Variants in KLF12 observed in about 807,000 individuals in gnomAD.
The protein encoded by KLF12 is KLF transcription factor 12.
KLF12 carries 9 observed loss-of-function variants against 37.8 expected under a neutral mutation model. The ratio of observed to expected loss-of-function variants is 0.24; its 90% confidence interval spans 0.14 to 0.42. The LOEUF (loss-of-function observed/expected upper bound fraction) is 0.42. KLF12 is among the 10% of genes least tolerant of loss of function. The pLI is 1.00. For missense variants in KLF12, 411 were observed against 516.0 expected (o/e 0.80, Z 1.97); for synonymous variants, 208 against 202.1 (o/e 1.03, Z -0.25).
chr13:73,842,519 C>T (rs142501458), intron 4 of KLF12, among the ~76,000 whole-genome samples: 93 of 152,298 alleles, frequency 6.1e-4, no homozygotes, highest in Admixed American at 1.2e-3. Context: ...GCTGAAAGGA[C>T]AAATGGTTCA....
chr13:74,136,805 CA>C (rs1273976303), upstream of KLF12, among the ~76,000 whole-genome samples: 1 of 150,136 alleles, frequency 6.7e-6, no homozygotes, highest in Admixed American at 6.6e-5. Flanking sequence ...GTACATCAAG[CA>C]TTGGGGGGAA....
rs117644226 is a variant in KLF12 at position 73,780,828 on chromosome 13, T to G, written c.807-15828A>C. 6.0e-4 allele frequency among the ~76,000 whole-genome samples: 92 copies of G among 152,382 alleles called. 1 individual carries two copies. In the East Asian group the frequency reaches 0.012, roughly 20 times the overall value. On this transcript the variant is annotated intron_variant, in intron 5 of 7. Transcript: ENST00000377669. ...TGGAATGTACTCCTGGTGAAGCTGCTGTTTACATTGCTGAAATGACAACAA... is the reference window on the plus strand; with the variant it reads ...TGGAATGTACTCCTGGTGAAGCTGCGGTTTACATTGCTGAAATGACAACAA...
At chr13:73,912,953 T>C (rs1039855698) in intron 3 of KLF12, among the ~76,000 whole-genome samples, 7 of 150,640 alleles carry the variant, frequency 4.6e-5, no homozygotes, top group African/African-American at 1.7e-4. Flanking sequence ...CTTCTCCATG[T>C]TATTATCTTT....
the KLF12 span, among the ~76,000 whole-genome samples, chr13:74,139,323 CCTTT>C: frequency 6.6e-6 from 1 of 152,170 alleles, no homozygotes; most frequent in Non-Finnish European, 1.5e-5. Context: ...ACCTATTTAG[CCTTT>C]CTTTTACCCT....
At chr13:73,739,237 TTAATAA>T (rs138002893) in intron 6 of KLF12, among the ~76,000 whole-genome samples, 15,492 of 143,482 alleles carry the variant, frequency 0.11, 876 homozygotes, top group South Asian at 0.15. Flanking sequence ...CTGTCTCAAA[TTAATAA>T]TAATAATAAT....
At chr13:74,109,367 G>C (rs77251330) in intron 1 of KLF12, among the ~76,000 whole-genome samples, 4,345 of 152,026 alleles carry the variant, frequency 0.029, 200 homozygotes, top group African/African-American at 0.099. Context: ...AGCTTTGCTG[G>C]AGTGCAGGGA....
chr13:73,911,634 T>C (rs929934395), intron 3 of KLF12, among the ~76,000 whole-genome samples: 36 of 152,222 alleles, frequency 2.4e-4, no homozygotes, highest in African/African-American at 8.4e-4. Context: ...TTCTATGAAC[T>C]TGAGAGTATT....
At chr13:73,835,045 A>G (rs1884357097) in intron 4 of KLF12, among the ~76,000 whole-genome samples, 1 of 151,740 alleles carries the variant, frequency 6.6e-6, no homozygotes, top group South Asian at 2.1e-4. Flanking sequence ...GGGAAGTGGG[A>G]TAAGCGGGTA....
chr13:73,805,661 GAA>G, intron 5 of KLF12, among the ~76,000 whole-genome samples: 5 of 51,362 alleles, frequency 9.7e-5, no homozygotes, highest in Non-Finnish European at 1.9e-4. Flanking sequence ...AGGAAGGAAG[GAA>G]GGAAGGAAGG....
chr13:74,153,613 A>G, the KLF12 span, among the ~76,000 whole-genome samples: 2 of 152,292 alleles, frequency 1.3e-5, no homozygotes, highest in African/African-American at 2.4e-5. Flanking sequence ...CTACACTCAT[A>G]TTAAGAATCT....
the KLF12 span, among the ~76,000 whole-genome samples, chr13:74,206,429 C>A: frequency 6.6e-6 from 1 of 152,142 alleles, no homozygotes; most frequent in East Asian, 1.9e-4. Flanking sequence ...TTACCTCAGG[C>A]TTCCATTCCC....
At chr13:73,835,453 G>A (rs1399508194) in intron 4 of KLF12, among the ~76,000 whole-genome samples, 1 of 152,032 alleles carries the variant, frequency 6.6e-6, no homozygotes, top group East Asian at 1.9e-4. Flanking sequence ...CTCAGAAAAA[G>A]GTAGAATGGT....
the KLF12 span, among the ~76,000 whole-genome samples, chr13:74,180,096 G>A: frequency 1.3e-5 from 2 of 152,192 alleles, no homozygotes; most frequent in Non-Finnish European, 2.9e-5. Context: ...GCTGTTTTAA[G>A]AGTTTTGATT....
chr13:73,758,494 A>G (rs538878131), intron 6 of KLF12, among the ~76,000 whole-genome samples: 1 of 152,296 alleles, frequency 6.6e-6, no homozygotes, highest in African/African-American at 2.4e-5. Flanking sequence ...ATGTTTTATT[A>G]CATGATAGCA....
chr13:74,203,285 A>G, the KLF12 span, among the ~76,000 whole-genome samples: 7 of 152,162 alleles, frequency 4.6e-5, no homozygotes, highest in East Asian at 1.4e-3. Flanking sequence ...GCAGATCTCA[A>G]TCTGTTGCTT....
intron 6 of KLF12, among the ~76,000 whole-genome samples, chr13:73,733,431 T>C (rs1405467980): frequency 6.7e-6 from 1 of 149,884 alleles, no homozygotes; most frequent in Non-Finnish European, 1.5e-5. Context: ...CTGTCTGTCT[T>C]ATTTCACTTA....
intron 4 of KLF12, among the ~76,000 whole-genome samples, chr13:73,813,971 A>T (rs1003072105): frequency 6.6e-6 from 1 of 152,232 alleles, no homozygotes; most frequent in African/African-American, 2.4e-5. Flanking sequence ...CCAAAGCAGG[A>T]AACGGCACAA....
intron 6 of KLF12, among the ~76,000 whole-genome samples, chr13:73,717,660 A>G (rs1403385076): frequency 6.6e-6 from 1 of 152,244 alleles, no homozygotes; most frequent in Non-Finnish European, 1.5e-5. Context: ...ATGAAAGAAC[A>G]TATGTTATGT....
intron 6 of KLF12, among the ~76,000 whole-genome samples, chr13:73,759,405 T>C (rs1326498276): frequency 1.3e-5 from 2 of 152,190 alleles, no homozygotes; most frequent in Non-Finnish European, 2.9e-5. Context: ...ATAATGAGCA[T>C]GCAAGGATCT....
Sources: gnomAD v4.1 joint callset for allele counts (sites outside exome capture counted in the v4.1 genomes callset) on GRCh38, gnomAD v4.1.1 for gene constraint, MANE v1.5 for transcripts, NCBI Gene and HGNC (gene_info 2026-07-23, HGNC 2026-07-21) for gene names.